CDH13: variants seen among roughly 807,000 people sequenced by gnomAD.
The protein encoded by CDH13 is cadherin 13.
A neutral mutation model predicts 63.8 loss-of-function variants in CDH13; 24 were observed. The ratio of observed to expected loss-of-function variants is 0.38; its 90% CI spans 0.27 to 0.53. The LOEUF is 0.53. Among genes scored for constraint, CDH13 ranks in the 20% least tolerant of loss-of-function variants. CDH13 has a pLI of 0.85. For synonymous variants in CDH13, 503 were observed against 355.3 expected, an observed-to-expected ratio of 1.42 and a Z score of -4.67; for missense variants, 1,049 against 903.1, an observed-to-expected ratio of 1.16 and a Z score of -2.07.
intron 6 of CDH13, among the ~76,000 whole-genome samples, chr16:83,478,836 G>GAAAAAAAAAAAAAAAA: frequency 8.9e-6 from 1 of 112,314 alleles, no homozygotes; most frequent in Non-Finnish European, 1.8e-5. Context: ...TTGAAGATGA[G>GAAAAAAAAAAAAAAAA]AAAAAAAAAA....
At chr16:83,643,132 G>A (rs1471508438) in intron 8 of CDH13, among the ~76,000 whole-genome samples, 1 of 53,382 alleles carries the variant, frequency 1.9e-5, no homozygotes, top group African/African-American at 8.6e-5. Context: ...GGGGACTGTG[G>A]TGGGGTCGGG....
intron 10 of CDH13, among the ~76,000 whole-genome samples, chr16:83,713,946 C>T (rs886664003): frequency 1.7e-4 from 26 of 152,324 alleles, no homozygotes; most frequent in African/African-American, 5.8e-4. Context: ...TACAGCTCCC[C>T]AGCTCTGCAC....
At chr16:83,428,175 G>T (rs1304830521) in intron 6 of CDH13, among the ~76,000 whole-genome samples, 1 of 152,192 alleles carries the variant, frequency 6.6e-6, no homozygotes, top group African/African-American at 2.4e-5. Context: ...TTTATTATGG[G>T]AGGGGAAAAA....
intron 8 of CDH13, among the ~76,000 whole-genome samples, chr16:83,630,283 AG>A (rs1910661297): frequency 6.6e-6 from 1 of 152,218 alleles, no homozygotes; most frequent in African/African-American, 2.4e-5. Context: ...TGAACCTAAA[AG>A]TATCTGGGAC....
At chr16:82,811,260 C>T (rs2037430727) in intron 1 of CDH13, among the ~76,000 whole-genome samples, 1 of 152,066 alleles carries the variant, frequency 6.6e-6, no homozygotes, top group Non-Finnish European at 1.5e-5. Flanking sequence ...GAATTTATAT[C>T]ATAGAATATG....
intron 6 of CDH13, among the ~76,000 whole-genome samples, chr16:83,394,938 A>T (rs28624464): frequency 6.6e-6 from 1 of 152,088 alleles, no homozygotes; most frequent in Non-Finnish European, 1.5e-5. Context: ...ACCTGTGGTC[A>T]GGTGTTTGAA....
chr16:83,499,365 C>G (rs575605628), intron 7 of CDH13, among the ~76,000 whole-genome samples: 4 of 152,320 alleles, frequency 2.6e-5, no homozygotes, highest in African/African-American at 9.6e-5. Context: ...CCTGTTGGGA[C>G]TATGGTTGAT....
intron 3 of CDH13, among the ~76,000 whole-genome samples, chr16:83,120,105 A>G (rs2035498044): frequency 6.6e-6 from 1 of 151,354 alleles, no homozygotes; most frequent in Non-Finnish European, 1.5e-5. Flanking sequence ...TGACTTCTCT[A>G]CAATCAATAC....
At position 82,777,149 on chromosome 16, in the gene CDH13, T is replaced by G. The variant is rs533435921; in HGVS notation, c.46-81213T>G. On this transcript the variant is annotated intron_variant, in intron 1 of 13. Transcript: ENST00000567109. ...TGTTTGTGTGTTTGTTTGTTTATTT[T>G]GTAGCAATAGCATTTCACTGTGTTA... is the stretch of plus-strand genomic sequence containing the variant. 4.6e-5 allele frequency among the ~76,000 whole-genome samples: 7 copies of G among 152,306 alleles called. No homozygotes were observed. The South Asian group carries it at 1.5e-3, about 32-fold the overall frequency.
intron 5 of CDH13, among the ~76,000 whole-genome samples, chr16:83,250,650 G>T (rs1197334558): frequency 1.3e-5 from 2 of 152,172 alleles, no homozygotes; most frequent in African/African-American, 2.4e-5. Flanking sequence ...GGTCGTGGTG[G>T]TAGAAGTGAA....
At chr16:83,518,291 A>T (rs894621647) in intron 7 of CDH13, among the ~76,000 whole-genome samples, 12 of 146,976 alleles carry the variant, frequency 8.2e-5, no homozygotes, top group African/African-American at 2.8e-4. Context: ...CTACAGGCAC[A>T]TGCCACCACA....
At chr16:83,767,890 G>C (rs1914505617) in intron 11 of CDH13, among the ~76,000 whole-genome samples, 1 of 152,118 alleles carries the variant, frequency 6.6e-6, no homozygotes, top group Non-Finnish European at 1.5e-5. Context: ...TTTATTTTTG[G>C]GGGTGATGAA....
At chr16:83,513,731 C>T (rs921925571) in intron 7 of CDH13, among the ~76,000 whole-genome samples, 5 of 152,138 alleles carry the variant, frequency 3.3e-5, no homozygotes, top group South Asian at 2.1e-4. Flanking sequence ...CACCAGGCCC[C>T]TCCAACAACA....
intron 6 of CDH13, among the ~76,000 whole-genome samples, chr16:83,439,025 A>G (rs979090231): frequency 3.3e-5 from 5 of 152,236 alleles, no homozygotes; most frequent in African/African-American, 1.2e-4. Flanking sequence ...ACACTATAAT[A>G]ATGAGAAAAT....
chr16:82,874,916 G>A (rs1322412510), intron 2 of CDH13, among the ~76,000 whole-genome samples: 1 of 152,192 alleles, frequency 6.6e-6, no homozygotes, highest in Non-Finnish European at 1.5e-5. Flanking sequence ...TTGCCAGATG[G>A]ATACTCATGG....
At chr16:83,502,011 G>A (rs191464220) in intron 7 of CDH13, among the ~76,000 whole-genome samples, 94 of 152,246 alleles carry the variant, frequency 6.2e-4, no homozygotes, top group African/African-American at 2.2e-3. Context: ...TACTTGTGTG[G>A]CCTTGGGCAA....
chr16:83,125,064 G>A (rs1239962948), intron 3 of CDH13, among the ~76,000 whole-genome samples: 1 of 152,182 alleles, frequency 6.6e-6, no homozygotes, highest in African/African-American at 2.4e-5. Flanking sequence ...TTCCTGACCA[G>A]GTGAGTAATC....
At chr16:83,002,639 A>G (rs1203874358) in intron 2 of CDH13, among the ~76,000 whole-genome samples, 3 of 152,232 alleles carry the variant, frequency 2.0e-5, no homozygotes, top group Non-Finnish European at 4.4e-5. Context: ...GTTGTGATCA[A>G]TGTAACACAG....
chr16:83,461,031 C>G lies in CDH13; in HGVS notation c.782-25446C>G, dbSNP rs113790701. On this transcript the variant is annotated intron_variant, in intron 6 of 13. Coordinates refer to ENST00000567109, the MANE Select transcript of CDH13 (RefSeq NM_001257.5). ...CACACACACACACACAGAACAAACA[C>G]TGCAGATAGCCATTTTCCTAAGAGG... Among the ~76,000 whole-genome samples, 1,069 of 138,178 alleles carry G rather than the reference C, an allele frequency of 7.7e-3. 11 individuals are homozygous for G. Among genetic ancestry groups the G allele is most frequent in the African/African-American group, 0.028 (1,010 of 36,078 alleles). The allele number at this position is 138,178 out of a possible 152,430, so 90.7% of individuals were successfully genotyped here.
Sources: allele counts gnomAD v4.1 joint callset (sites outside exome capture counted in the v4.1 genomes callset), GRCh38; gene constraint gnomAD v4.1.1; transcripts MANE v1.5; gene names NCBI Gene and HGNC (gene_info 2026-07-23, HGNC 2026-07-21).